The following NRXN3 variants were observed in gnomAD, a reference collection of about 807,000 sequenced individuals.
NRXN3 encodes the protein neurexin III.
A neutral mutation model predicts 137.6 loss-of-function variants in NRXN3; 32 were observed. That is an observed-to-expected ratio of 0.23 (90% confidence interval 0.18 to 0.31). The LOEUF is 0.31. Among genes scored for constraint, NRXN3 ranks in the 10% least tolerant of loss-of-function variants. NRXN3 has a pLI of 1.00. For missense variants in NRXN3, 1,574 were observed against 2,062.5 expected (o/e 0.76, Z 4.59); for synonymous variants, 798 against 784.5 (o/e 1.02, Z -0.29).
intron 15 of NRXN3, among the ~76,000 whole-genome samples, chr14:79,067,640 G>T (rs1168356216): frequency 6.6e-6 from 1 of 151,990 alleles, no homozygotes; most frequent in African/African-American, 2.4e-5. Flanking sequence ...CTCAATTTCA[G>T]AACGTGGTCT....
intron 16 of NRXN3, among the ~76,000 whole-genome samples, 163 bp downstream of exon 16, chr14:79,467,565 G>GA (rs547025871): frequency 1.3e-5 from 2 of 152,074 alleles, no homozygotes; most frequent in Middle Eastern, 3.2e-3. Context: ...GTTCCTGGGG[G>GA]AAAAAAACTT....
At chr14:78,601,463 T>C (rs1566859156) in intron 4 of NRXN3, among the ~76,000 whole-genome samples, 1 of 152,068 alleles carries the variant, frequency 6.6e-6, no homozygotes, top group Non-Finnish European at 1.5e-5. Flanking sequence ...GATTCTTTTT[T>C]TTTTTTTGAG....
chr14:79,504,674 T>TATATATATATATAA (rs1464757508), intron 16 of NRXN3, among the ~76,000 whole-genome samples: 21 of 143,438 alleles, frequency 1.5e-4, no homozygotes, highest in African/African-American at 4.9e-4. Context: ...TATATATATA[T>TATATATATATATAA]AAAACATTAC....
At chr14:79,324,284 G>T (rs573120612) in intron 15 of NRXN3, among the ~76,000 whole-genome samples, 31 of 152,258 alleles carry the variant, frequency 2.0e-4, no homozygotes, top group African/African-American at 7.2e-4. Context: ...ACCTTCTTTT[G>T]AAAAGCAGAT....
chr14:79,734,698 ACACT>A (rs2098936017), intron 19 of NRXN3, among the ~76,000 whole-genome samples: 1 of 152,124 alleles, frequency 6.6e-6, no homozygotes, highest in Non-Finnish European at 1.5e-5. Context: ...TTAGATTCTC[ACACT>A]CAATTAAAAA....
At chr14:79,245,673 T>A (rs1283253982) in intron 15 of NRXN3, among the ~76,000 whole-genome samples, 1 of 152,142 alleles carries the variant, frequency 6.6e-6, no homozygotes, top group African/African-American at 2.4e-5. Context: ...AATAAAATAT[T>A]GTTGTTTCTG....
intron 15 of NRXN3, among the ~76,000 whole-genome samples, chr14:79,071,942 C>T (rs982193745): frequency 6.6e-6 from 1 of 152,144 alleles, no homozygotes; most frequent in African/African-American, 2.4e-5. Flanking sequence ...TAAATATGTA[C>T]ACCTACTATG....
chr14:79,224,063 T>C (rs1182526051), intron 15 of NRXN3, among the ~76,000 whole-genome samples: 1 of 152,062 alleles, frequency 6.6e-6, no homozygotes, highest in East Asian at 1.9e-4. Flanking sequence ...AGCGGACACA[T>C]AGGTACTATG....
At chr14:78,537,118 A>T (rs1458363080) in intron 4 of NRXN3, among the ~76,000 whole-genome samples, 1 of 152,176 alleles carries the variant, frequency 6.6e-6, no homozygotes, top group African/African-American at 2.4e-5. Context: ...TTGGGTATAT[A>T]CCCAGTTATG....
chr14:79,414,618 T>C (rs1993012), intron 15 of NRXN3, among the ~76,000 whole-genome samples: 47,894 of 152,010 alleles, frequency 0.32, 8,209 homozygotes, highest in Middle Eastern at 0.53. Flanking sequence ...TACAACATAA[T>C]GTTTGATGTA....
chr14:78,187,904 G>A (rs907483891), intron 1 of NRXN3, among the ~76,000 whole-genome samples: 10 of 151,906 alleles, frequency 6.6e-5, no homozygotes, highest in South Asian at 4.2e-4. Context: ...TGGAGGAAGG[G>A]GAGTCCCTAT....
chr14:78,659,432 A>G lies in NRXN3; in HGVS notation c.1221+8106A>G, dbSNP rs560930522. Among the ~76,000 whole-genome samples the G allele has an allele frequency of 2.0e-5, 3 of 152,170 alleles. No individual in the cohort carries two copies. The South Asian group carries it at 6.2e-4, about 32-fold the overall frequency. The stretch of plus-strand genomic sequence containing the variant: ...GGTAGTTCACGCCCATAATTTTAGC[A>G]CTTTAGGAGGCTGAGGTGGGAGGAT... On this transcript the variant is annotated intron_variant, in intron 6 of 20. Coordinates refer to ENST00000335750, the MANE Select transcript of NRXN3 (RefSeq NM_001330195.2).
chr14:79,834,935 C>T (rs2099334173), intron 20 of NRXN3, among the ~76,000 whole-genome samples: 1 of 152,140 alleles, frequency 6.6e-6, no homozygotes, highest in Non-Finnish European at 1.5e-5. Context: ...CTTCACTCAA[C>T]ACATTCCCGA....
intron 15 of NRXN3, among the ~76,000 whole-genome samples, chr14:79,075,190 G>T (rs2045767205): frequency 6.6e-6 from 1 of 152,060 alleles, no homozygotes; most frequent in Non-Finnish European, 1.5e-5. Flanking sequence ...TACCTATAAA[G>T]CATACCCATT....
intron 16 of NRXN3, among the ~76,000 whole-genome samples, chr14:79,606,959 TTGGC>T (rs1210834515): frequency 6.6e-6 from 1 of 152,230 alleles, no homozygotes; most frequent in Non-Finnish European, 1.5e-5. Context: ...GTCATCCTGT[TTGGC>T]TGGCAAGTTT....
chr14:79,459,438 A>G (rs73339472), intron 15 of NRXN3, among the ~76,000 whole-genome samples: 7,430 of 152,078 alleles, frequency 0.049, 631 homozygotes, highest in African/African-American at 0.17. Context: ...AAATTAGGGC[A>G]TAGATTGGTA....
At chr14:79,284,279 C>T (rs1029881599) in intron 15 of NRXN3, among the ~76,000 whole-genome samples, 2 of 143,664 alleles carry the variant, frequency 1.4e-5, no homozygotes, top group Non-Finnish European at 3.0e-5. Flanking sequence ...GGGGGGATCA[C>T]CTGAGGTCAA....
chr14:78,572,653 T>A (rs1209866467), intron 4 of NRXN3, among the ~76,000 whole-genome samples: 1 of 152,216 alleles, frequency 6.6e-6, no homozygotes, highest in Non-Finnish European at 1.5e-5. Context: ...TAGAGTAAGC[T>A]CAGTTGTTGA....
At chr14:79,736,698 T>C (rs1036569412) in intron 19 of NRXN3, among the ~76,000 whole-genome samples, 1 of 152,156 alleles carries the variant, frequency 6.6e-6, no homozygotes, top group Admixed American at 6.5e-5. Context: ...ATGTTATTTA[T>C]GGGTGCTCAA....
Sources: gnomAD v4.1 joint callset for allele counts (sites outside exome capture counted in the v4.1 genomes callset) on GRCh38, gnomAD v4.1.1 for gene constraint, MANE v1.5 for transcripts, NCBI Gene and HGNC (gene_info 2026-07-23, HGNC 2026-07-21) for gene names.